The following SYNPO variants were observed in gnomAD, a reference collection of about 807,000 sequenced individuals.
The protein encoded by SYNPO is synaptopodin.
SYNPO carries 19 observed loss-of-function variants against 49.5 expected under a neutral mutation model. The observed-to-expected ratio is 0.38, with a 90% CI of 0.27 to 0.56. SYNPO has a LOEUF of 0.56. SYNPO is among the 20% of genes least tolerant of loss of function. The pLI, the probability that SYNPO is intolerant of heterozygous loss-of-function variation, is 0.68. For missense variants in SYNPO, 1,131 were observed against 1,248.3 expected, an observed-to-expected ratio of 0.91 and a Z score of 1.42; for synonymous variants, 536 against 548.0, an observed-to-expected ratio of 0.98 and a Z score of 0.31.
intron 1 of SYNPO, among the ~76,000 whole-genome samples, chr5:150,617,032 T>C (rs1034047281): frequency 6.6e-6 from 1 of 152,138 alleles, no homozygotes; most frequent in Non-Finnish European, 1.5e-5. Context: ...AATAATAGGA[T>C]CCTAAGAAAT....
chr5:150,651,636 A>G (rs772986440), intron 2 of SYNPO: 11 of 1,002,070 alleles, frequency 1.1e-5, no homozygotes, highest in Non-Finnish European at 1.3e-5. Flanking sequence ...GCCTGGGGAC[A>G]GTAGGAGCAT....
intron 1 of SYNPO, among the ~76,000 whole-genome samples, chr5:150,611,472 G>A (rs1454277204): frequency 6.6e-6 from 1 of 152,206 alleles, no homozygotes; most frequent in Admixed American, 6.5e-5. Flanking sequence ...ACCACCCAGT[G>A]TGCCCAGCTG....
At position 150,626,613 on chromosome 5, in the gene SYNPO, G is replaced by A. The variant is rs574201479; in HGVS notation, c.400+7846G>A. On this transcript the variant is annotated intron_variant, in intron 2 of 2. Coordinates refer to the SYNPO transcript ENST00000394243. ...CTTTAACTCCTTCCCTCCCTAGTCA[G>A]CTGTTGCCCTTATCTACTCCCCATC... is the stretch of plus-strand genomic sequence containing the variant. Among the ~76,000 whole-genome samples the A allele has an allele frequency of 7.2e-5, 11 of 152,294 alleles. No homozygotes were observed. In the South Asian group the frequency reaches 2.3e-3, roughly 32 times the overall value.
chr5:150,650,636 G>T (rs1221916981), intron 2 of SYNPO: 12 of 1,441,316 alleles, frequency 8.3e-6, no homozygotes, highest in Non-Finnish European at 7.3e-6. Flanking sequence ...TGGCCTTTGT[G>T]AGCTGTAGGG....
chr5:150,656,891 G>T lies in SYNPO; in HGVS notation c.2516G>T (p.Arg839Leu). 1 of 1,575,464 alleles carries T rather than the reference G, an allele frequency of 6.3e-7. No homozygotes were observed. The highest frequency in any genetic ancestry group is 8.6e-7 in the Non-Finnish European group (1 of 1,161,912). The change falls in exon 3 of 3, where the codon CGG (arginine) becomes CTG (leucine). Residue 839 changes from arginine (R) to leucine (L), a missense_variant. Arg to Leu is a moderately radical substitution (Grantham distance 102). This residue lies in a region of SYNPO where 509 missense variants were observed against 484.5 expected (regional missense o/e 1.05). Transcript: ENST00000307662. ...PAGPSSCTSP[R>L]SPLPAPPRPF... is the part of the protein sequence containing the mutation. ...GGTCCTTCGTCCTGCACCAGTCCCC[G>T]GAGCCCGCTGCCCGCGCCTCCCAGG...
At chr5:150,631,553 G>A (rs1757538029) in intron 2 of SYNPO, among the ~76,000 whole-genome samples, 1 of 152,230 alleles carries the variant, frequency 6.6e-6, no homozygotes, top group Non-Finnish European at 1.5e-5. Context: ...CAGCGCAGGG[G>A]TCAGGGCAGT....
At chr5:150,616,007 C>T (rs1370107045) in intron 1 of SYNPO, among the ~76,000 whole-genome samples, 1 of 152,234 alleles carries the variant, frequency 6.6e-6, no homozygotes, top group Non-Finnish European at 1.5e-5. Context: ...CCCCGGGGGG[C>T]AGAAGGTGGG....
At chr5:150,620,317 T>C (rs1757112408) in intron 2 of SYNPO, among the ~76,000 whole-genome samples, 1 of 152,236 alleles carries the variant, frequency 6.6e-6, no homozygotes. Context: ...AGCTCAACAA[T>C]AGGACTGCTA....
the SYNPO span, among the ~76,000 whole-genome samples, chr5:150,591,600 C>G: frequency 4.2e-5 from 6 of 143,828 alleles, no homozygotes; most frequent in Non-Finnish European, 7.4e-5. Flanking sequence ...ACTTACGTAA[C>G]AGTTTTCTTT....
chr5:150,618,868 T>A, intron 2 of SYNPO: 2 of 1,424,402 alleles, frequency 1.4e-6, no homozygotes, highest in African/African-American at 1.4e-5. Flanking sequence ...TGATCCACAG[T>A]AATTCATCAC....
At chr5:150,625,295 A>G (rs983917272) in intron 2 of SYNPO, among the ~76,000 whole-genome samples, 1 of 151,836 alleles carries the variant, frequency 6.6e-6, no homozygotes, top group Non-Finnish European at 1.5e-5. Flanking sequence ...GAAAAGTCGG[A>G]CCGACTTGAC....
Position 150,649,226 on chromosome 5 carries a change from A to AC in SYNPO, c.957dup (p.Thr320HisfsTer4). 4 of 1,613,660 alleles carry AC rather than the reference A, an allele frequency of 2.5e-6. No homozygotes were observed. Among genetic ancestry groups the AC allele is most frequent in the African/African-American group, 1.3e-5 (1 of 74,860 alleles). On this transcript the variant is annotated frameshift_variant, in exon 2 of 3. Transcript: ENST00000307662. LOFTEE classifies it high-confidence loss of function. ...GACGCCCCTTGGGGAACTTCACTGCACCCCCCACCTACACTGAGACCTTGT... is the reference window on the plus strand; with the variant it reads ...GACGCCCCTTGGGGAACTTCACTGCACCCCCCCACCTACACTGAGACCTTGT...
At position 150,648,684 on chromosome 5, in the gene SYNPO, C is replaced by T. The variant is rs369752004; in HGVS notation, c.409C>T (p.Leu137=). 1.4e-5 allele frequency: 22 copies of T among 1,614,236 alleles called. No homozygotes were observed. Among genetic ancestry groups the T allele is most frequent in the Non-Finnish European group, 1.9e-5 (22 of 1,180,050 alleles). ...AGGGCCTGCTTCCAAACCCAGCACC[C>T]TGTGTGCTGATGGGCAACCCCAGGC... is the stretch of plus-strand genomic sequence containing the variant. ...GTGPASKPST[L]CADGQPQAPA... is the part of the protein sequence containing the mutation. The change falls in exon 2 of 3, where the codon CTG becomes TTG. Residue 137 remains leucine, a synonymous_variant. Coordinates refer to ENST00000307662, the MANE Select transcript of SYNPO (RefSeq NM_007286.6). The surrounding 1 kb of genome is among the most constrained non-coding windows in gnomAD (Gnocchi z 5.0).
At chr5:150,588,363 T>G in the SYNPO span, among the ~76,000 whole-genome samples, 1 of 152,186 alleles carries the variant, frequency 6.6e-6, no homozygotes, top group East Asian at 1.9e-4. Flanking sequence ...CCTGGAACTT[T>G]GTCACTACCC....
the SYNPO span, among the ~76,000 whole-genome samples, chr5:150,592,845 TCCTCTAATA>T: frequency 6.6e-6 from 1 of 152,230 alleles, no homozygotes; most frequent in Non-Finnish European, 1.5e-5. Context: ...TAAGGGTATC[TCCTCTAATA>T]CCACCTACCA....
At chr5:150,654,963 TAA>T (rs1404918540) in intron 2 of SYNPO, among the ~76,000 whole-genome samples, 1 of 152,014 alleles carries the variant, frequency 6.6e-6, no homozygotes, top group East Asian at 1.9e-4. Flanking sequence ...CCGTCTCTAC[TAA>T]AAATACAAAA....
intron 2 of SYNPO, among the ~76,000 whole-genome samples, chr5:150,623,580 G>A (rs797002234): frequency 5.3e-5 from 8 of 150,542 alleles, no homozygotes; most frequent in African/African-American, 1.5e-4. Context: ...GCAGCCACAC[G>A]ATCAGAGGAA....
intron 1 of SYNPO, among the ~76,000 whole-genome samples, chr5:150,612,933 A>C (rs1168961431): frequency 6.6e-6 from 1 of 152,020 alleles, no homozygotes; most frequent in African/African-American, 2.4e-5. Flanking sequence ...TGTGTGCCAC[A>C]ATGCCTGGCT....
At chr5:150,630,891 T>A (rs1398403048) in intron 2 of SYNPO, among the ~76,000 whole-genome samples, 1 of 152,050 alleles carries the variant, frequency 6.6e-6, no homozygotes, top group Non-Finnish European at 1.5e-5. Context: ...ATTGACAGAG[T>A]AATGCTGTCA....
Sources: allele counts gnomAD v4.1 joint callset (sites outside exome capture counted in the v4.1 genomes callset), GRCh38; gene constraint gnomAD v4.1.1; regional missense constraint gnomAD v4.1.1; non-coding constraint Gnocchi (gnomAD v3.1); transcripts MANE v1.5; gene names NCBI Gene and HGNC (gene_info 2026-07-23, HGNC 2026-07-21).